The following SERPINA11 variants were observed in gnomAD, a reference collection of about 807,000 sequenced individuals.
SERPINA11 encodes serpin A11.
A neutral mutation model predicts 29.4 loss-of-function variants in SERPINA11; 28 were observed. That is an observed-to-expected ratio of 0.95 (90% CI 0.70 to 1.30). The LOEUF (loss-of-function observed/expected upper bound fraction) is 1.30, where lower values mean the gene tolerates loss of function less well. SERPINA11 is among the 50% of genes most tolerant of loss of function. The pLI, the probability that SERPINA11 is intolerant of heterozygous loss-of-function variation, is 0.00. For synonymous variants in SERPINA11, 253 were observed against 206.6 expected, an observed-to-expected ratio of 1.22 and a Z score of -1.92; for missense variants, 530 against 507.3, an observed-to-expected ratio of 1.04 and a Z score of -0.43.
At chr14:94,444,544 AAGG>A (rs1327609102) in intron 3 of SERPINA11, among the ~76,000 whole-genome samples, 23 of 152,228 alleles carry the variant, frequency 1.5e-4, no homozygotes, top group African/African-American at 4.3e-4. Context: ...TGATGGGGGC[AAGG>A]AGAAGACTCA....
intron 2 of SERPINA11, among the ~76,000 whole-genome samples, chr14:94,447,020 C>T (rs1051500971): frequency 2.0e-5 from 3 of 152,186 alleles, no homozygotes; most frequent in African/African-American, 7.2e-5. Flanking sequence ...ACTGACTGAG[C>T]AGCTCAGATT....
chr14:94,443,584 C>A (rs1185659862), intron 3 of SERPINA11, among the ~76,000 whole-genome samples: 1 of 152,184 alleles, frequency 6.6e-6, no homozygotes, highest in African/African-American at 2.4e-5. Context: ...TAAATACTGT[C>A]AACATCTTCC....
chr14:94,451,309 T>C (rs1898581404), intron 1 of SERPINA11, among the ~76,000 whole-genome samples: 1 of 152,226 alleles, frequency 6.6e-6, no homozygotes, highest in Non-Finnish European at 1.5e-5. Flanking sequence ...GTCAAAGTAC[T>C]GTGGGCACGC....
At position 94,443,135 on chromosome 14, in the gene SERPINA11, G is replaced by A. The variant is rs115966104; in HGVS notation, c.1008C>T (p.Leu336=). The A allele has an allele frequency of 2.0e-5, 33 of 1,613,958 alleles. No homozygotes were observed. The East Asian group carries it at 6.9e-4, about 34-fold the overall frequency. Residue 336 remains leucine (L), a synonymous_variant, in exon 4 of 5, where the codon CTC becomes CTT. Coordinates refer to ENST00000334708, the MANE Select transcript of SERPINA11 (RefSeq NM_001080451.2). ...ILPQIGLTNI[L]NLEADFSGVT... is the part of the protein sequence containing the mutation. ...CTCCTGAGAAGTCAGCTTCTAAGTTGAGTATGTTGGTGAGACCAATTTGGG... is the reference window on the plus strand; with the variant it reads ...CTCCTGAGAAGTCAGCTTCTAAGTTAAGTATGTTGGTGAGACCAATTTGGG...
At chr14:94,449,100 C>T (rs1898508949) in intron 1 of SERPINA11, among the ~76,000 whole-genome samples, 1 of 152,232 alleles carries the variant, frequency 6.6e-6, no homozygotes, top group Admixed American at 6.5e-5. Context: ...CCTATAATCT[C>T]AGCAGTTTGG....
At chr14:94,450,828 T>C (rs1898572871) in intron 1 of SERPINA11, among the ~76,000 whole-genome samples, 1 of 152,156 alleles carries the variant, frequency 6.6e-6, no homozygotes, top group Non-Finnish European at 1.5e-5. Flanking sequence ...CAGGGTTGTC[T>C]CTACTCACCC....
Position 94,448,277 on chromosome 14 carries a change from A to C in SERPINA11, c.498T>G (p.Phe166Leu), listed in dbSNP as rs1358345172. 2 of 1,614,264 alleles carry C rather than the reference A, an allele frequency of 1.2e-6. No homozygotes were observed. Among genetic ancestry groups the C allele is most frequent in the Non-Finnish European group, 8.5e-7 (1 of 1,180,046 alleles). Residue 166 changes from phenylalanine (F) to leucine (L), a missense_variant, in exon 2 of 5, where the codon TTT becomes TTG. Phe to Leu is a conservative substitution (Grantham distance 22). Coordinates refer to ENST00000334708, the MANE Select transcript of SERPINA11 (RefSeq NM_001080451.2). ...TAACAGAATCTGTGAAGTTGGCAGA[A>C]AAAGCAAAAGCTCCATAAAGCTCCT... Reference protein sequence around the residue: ...SIKELYGAFAFSANFTDSVTT... With the variant: ...SIKELYGAFALSANFTDSVTT...
At chr14:94,442,964 T>C (rs1036493329) in intron 4 of SERPINA11, 114 bp downstream of exon 4, 24 of 1,342,486 alleles carry the variant, frequency 1.8e-5, no homozygotes, top group African/African-American at 8.8e-5. Context: ...TGGTATTAAA[T>C]AGTCTGCACA....
At chr14:94,443,807 C>T (rs1171453815) in intron 3 of SERPINA11, among the ~76,000 whole-genome samples, 1 of 152,186 alleles carries the variant, frequency 6.6e-6, no homozygotes, top group Admixed American at 6.5e-5. Context: ...GCATAGGGCA[C>T]AAATGAACTC....
chr14:94,443,434 G>A (rs1011958607), intron 3 of SERPINA11, among the ~76,000 whole-genome samples: 11 of 152,162 alleles, frequency 7.2e-5, no homozygotes, highest in African/African-American at 2.7e-4. Flanking sequence ...ATATCTTGTG[G>A]CTGGATCTGA....
chr14:94,442,612 T>A lies in SERPINA11; in HGVS notation c.1263A>T (p.Ala421=). Residue 421 remains alanine, a synonymous_variant, in exon 5 of 5, where the codon GCA becomes GCT. Transcript: ENST00000334708. The stretch of plus-strand genomic sequence containing the variant: ...TCCTGGCCTCCCACCATGGTTACCC[T>A]GCAACTGGGTTGACAACTTTTCCCA... ...LFLGKVVNPV[A]G 1 of 1,606,758 alleles carries A rather than the reference T, an allele frequency of 6.2e-7. No homozygotes were observed. Among genetic ancestry groups the A allele is most frequent in the South Asian group, 1.1e-5 (1 of 89,782 alleles).
At chr14:94,443,289 C>T (rs1226904666) in intron 3 of SERPINA11, 64 bp from the exon 4 acceptor site, 2 of 1,525,772 alleles carry the variant, frequency 1.3e-6, no homozygotes, top group Admixed American at 1.9e-5. Flanking sequence ...CCTGCTCTGT[C>T]TGTCGGCAGC....
Position 94,442,608 on chromosome 14 carries a change from A to G in SERPINA11, c.1267T>C (p.Ter423GlnextTer39). The G allele has an allele frequency of 6.2e-7, 1 of 1,604,942 alleles. No individual in the cohort carries two copies. The highest frequency in any genetic ancestry group is 8.5e-7 in the Non-Finnish European group (1 of 1,175,022). ...TAACTCCTGGCCTCCCACCATGGTT[A>G]CCCTGCAACTGGGTTGACAACTTTT... ...LGKVVNPVAG* is the reference protein window; with the variant it reads ...LGKVVNPVAGQ The change falls in exon 5 of 5, where the codon TAA becomes CAA. Residue 423 changes from the stop codon to glutamine (Q), a stop_lost. Coordinates refer to ENST00000334708, the MANE Select transcript of SERPINA11 (RefSeq NM_001080451.2).
chr14:94,451,847 C>A (rs1205052351), intron 1 of SERPINA11, among the ~76,000 whole-genome samples: 1 of 152,184 alleles, frequency 6.6e-6, no homozygotes, highest in Non-Finnish European at 1.5e-5. Flanking sequence ...TTCTATCAAG[C>A]CTGGGGTAAT....
rs751862961 is a variant in SERPINA11, at chr14:94,443,189, A to G, written c.954T>C (p.Ser318=). Reference sequence around the variant, plus strand: ...GTATGTCTTCCAGGTTATATGTTCCAGAAATTGAAAACCTTGGCAAGTGCA... The same window carrying G: ...GTATGTCTTCCAGGTTATATGTTCCGGAAATTGAAAACCTTGGCAAGTGCA... The part of the protein sequence containing the change: ...LDLHLPRFSI[S]GTYNLEDILP... Residue 318 remains serine (S), a synonymous_variant, in exon 4 of 5, where the codon TCT becomes TCC. Coordinates refer to ENST00000334708, the MANE Select transcript of SERPINA11 (RefSeq NM_001080451.2). 27 of 1,614,016 alleles carry G rather than the reference A, an allele frequency of 1.7e-5. No individual in the cohort carries two copies. Among genetic ancestry groups the G allele is most frequent in the Non-Finnish European group, 2.3e-5 (27 of 1,179,948 alleles).
chr14:94,448,470 C>T lies in SERPINA11; in HGVS notation c.305G>A (p.Gly102Asp), dbSNP rs1190688004. 2.5e-6 allele frequency: 4 copies of T among 1,614,012 alleles called. No individual in the cohort carries two copies. The Admixed American group carries it at 6.7e-5, about 27-fold the overall frequency. Residue 102 changes from glycine (G) to aspartate (D), a missense_variant, in exon 2 of 5, where the codon GGC becomes GAC. Coordinates refer to ENST00000334708, the MANE Select transcript of SERPINA11 (RefSeq NM_001080451.2). ...QANTSALILEGLGFNLTETPE... is the reference protein window; with the variant it reads ...QANTSALILEDLGFNLTETPE... ...GGTTTCTGTGAGGTTGAATCCCAGG[C>T]CCTCCAGGATCAGAGCTGAGGTGTT...
Position 94,442,667 on chromosome 14 carries a change from C to A in SERPINA11, c.1208G>T (p.Trp403Leu), listed in dbSNP as rs1273281742. Reference protein sequence around the residue: ...HFNRPFLLLLWEVTTQSLLFL... With the variant: ...HFNRPFLLLLLEVTTQSLLFL... ...GAGTAAGCTCTGGGTGGTGACCTCC[C>A]AAAGGAGCAAGAGGAAAGGCCTGTT... Residue 403 changes from tryptophan (W) to leucine (L), a missense_variant, in exon 5 of 5, where the codon TGG becomes TTG. Coordinates refer to ENST00000334708, the MANE Select transcript of SERPINA11 (RefSeq NM_001080451.2). The A allele has an allele frequency of 1.2e-6, 2 of 1,612,802 alleles. No individual in the cohort carries two copies. The highest frequency in any genetic ancestry group is 1.7e-6 in the Non-Finnish European group (2 of 1,179,490).
chr14:94,449,406 ATTCTTTCT>A (rs869124586), intron 1 of SERPINA11, among the ~76,000 whole-genome samples: 2,557 of 40,126 alleles, frequency 0.064, 30 homozygotes, highest in Middle Eastern at 0.081. Context: ...CTTTCTTTCT[ATTCTTTCT>A]TTCTTTCTTT....
At chr14:94,446,736 AG>A in intron 2 of SERPINA11, 132 bp from the exon 3 acceptor site, 1 of 852,000 alleles carries the variant, frequency 1.2e-6, no homozygotes, top group South Asian at 1.7e-5. Context: ...TTACAGAGCC[AG>A]GAGACCAGAA....
Sources: allele counts gnomAD v4.1 joint callset (sites outside exome capture counted in the v4.1 genomes callset), GRCh38; gene constraint gnomAD v4.1.1; transcripts MANE v1.5; gene names NCBI Gene and HGNC (gene_info 2026-07-23, HGNC 2026-07-21).